Variants in GPC3 observed in about 807,000 individuals in gnomAD.
GPC3 encodes glypican 3.
A neutral mutation model predicts 34.4 loss-of-function variants in GPC3; 3 were observed. The observed-to-expected ratio is 0.09, with a 90% CI of 0.04 to 0.23. The LOEUF (loss-of-function observed/expected upper bound fraction) is 0.23. Ranked by LOEUF, GPC3 falls within the 10% of genes least tolerant of loss-of-function variation. The pLI, the probability that GPC3 is intolerant of heterozygous loss-of-function variation, is 1.00. For synonymous variants in GPC3, 177 were observed against 174.0 expected (o/e 1.02, Z -0.13); for missense variants, 351 against 445.6 (o/e 0.79, Z 1.91).
intron 2 of GPC3, among the ~76,000 whole-genome samples, chrX:133,786,596 G>A (rs2072104802): frequency 8.9e-6 from 1 of 111,832 alleles, no homozygotes; most frequent in Admixed American, 9.4e-5. Context: ...ACTGGAGCCT[G>A]ACATATGCAC....
At chrX:133,793,084 A>AG (rs1344229945) in intron 2 of GPC3, among the ~76,000 whole-genome samples, 2 of 111,773 alleles carry the variant, frequency 1.8e-5, no homozygotes, top group Non-Finnish European at 3.8e-5. Context: ...AAATAAAAAA[A>AG]AAAAGCCAAC....
intron 2 of GPC3, among the ~76,000 whole-genome samples, chrX:133,860,881 C>T (rs1205922832): frequency 9.0e-6 from 1 of 111,426 alleles, no homozygotes; most frequent in Non-Finnish European, 1.9e-5. Flanking sequence ...GCAGGTGGAT[C>T]GCCTGAGCTC....
intron 3 of GPC3, among the ~76,000 whole-genome samples, chrX:133,743,011 G>A (rs2071577323): frequency 8.9e-6 from 1 of 112,386 alleles, no homozygotes. Flanking sequence ...CAGCCTTGCT[G>A]GATTATGTAC....
intron 2 of GPC3, among the ~76,000 whole-genome samples, chrX:133,901,090 C>T (rs1462874193): frequency 3.6e-5 from 4 of 111,466 alleles, no homozygotes; most frequent in Admixed American, 1.9e-4. Context: ...CTGGTTAATA[C>T]GACAGCATGC....
At chrX:133,766,739 A>G (rs1450829532) in intron 2 of GPC3, among the ~76,000 whole-genome samples, 1 of 112,206 alleles carries the variant, frequency 8.9e-6, no homozygotes, top group Middle Eastern at 4.2e-3. Context: ...TATGTAGTAG[A>G]TGGTGGCAGC....
intron 3 of GPC3, among the ~76,000 whole-genome samples, chrX:133,720,505 G>A (rs1317066585): frequency 8.9e-6 from 1 of 111,856 alleles, no homozygotes; most frequent in Non-Finnish European, 1.9e-5. Context: ...GATGTGACTT[G>A]CTCCTCCTTT....
At chrX:133,971,354 G>A (rs185968446) in intron 1 of GPC3, among the ~76,000 whole-genome samples, 24 of 111,806 alleles carry the variant, frequency 2.1e-4, no homozygotes, top group Admixed American at 1.3e-3. Context: ...TCAAACTAAA[G>A]AATAGTATTT....
intron 7 of GPC3, among the ~76,000 whole-genome samples, chrX:133,552,773 G>A (rs2069447581): frequency 8.9e-6 from 1 of 111,803 alleles, no homozygotes; most frequent in Non-Finnish European, 1.9e-5. Context: ...AGAGGCATCA[G>A]GTGAAGAAAA....
chrX:133,792,707 T>C (rs1473204830), intron 2 of GPC3, among the ~76,000 whole-genome samples: 3 of 111,675 alleles, frequency 2.7e-5, no homozygotes, highest in Non-Finnish European at 5.6e-5. Flanking sequence ...GGTGTCAAAT[T>C]GGCATGTCAG....
intron 6 of GPC3, among the ~76,000 whole-genome samples, chrX:133,608,874 C>A (rs1005039588): frequency 1.2e-4 from 13 of 111,943 alleles, no homozygotes; most frequent in African/African-American, 3.6e-4. Context: ...ATAATTGAGA[C>A]TGGGACTTGA....
Position 133,570,232 on chromosome X carries a change from A to G in GPC3, c.1573+26208T>C, listed in dbSNP as rs748499079. ...TTTTTGTGTTTTGAAACAGAGTTTC[A>G]TTCTTGTTGCCCAGGCTGGAGTGCA... On this transcript the variant is annotated intron_variant, in intron 7 of 7. Transcript: ENST00000370818. 3.0e-5 allele frequency among the ~76,000 whole-genome samples: 3 copies of G among 100,603 alleles called. No homozygotes were observed. The East Asian group carries it at 9.7e-4, about 32-fold the overall frequency. 87.4% of individuals were successfully genotyped at this position (100,603 alleles called of 115,157 possible). A position where few individuals can be genotyped will look rare whatever the true frequency, so the allele number is the denominator to read the frequency against.
chrX:133,922,736 G>T (rs986551976), intron 2 of GPC3, among the ~76,000 whole-genome samples: 1 of 109,132 alleles, frequency 9.2e-6, no homozygotes, highest in African/African-American at 3.3e-5. Flanking sequence ...GCTTAGATAG[G>T]TTGTGCAACT....
chrX:133,731,393 T>C, intron 3 of GPC3, among the ~76,000 whole-genome samples: 1 of 113,006 alleles, frequency 8.8e-6, no homozygotes, highest in Non-Finnish European at 1.9e-5. Context: ...AAATTAGCCA[T>C]ATAGTACAAA....
At chrX:133,869,675 T>TGC (rs2075985021) in intron 2 of GPC3, among the ~76,000 whole-genome samples, 1 of 111,957 alleles carries the variant, frequency 8.9e-6, no homozygotes, top group African/African-American at 3.3e-5. Flanking sequence ...TGGCCGGGCA[T>TGC]GGTGGCTTAC....
chrX:133,673,548 G>A (rs2070854237), intron 5 of GPC3, among the ~76,000 whole-genome samples: 1 of 112,360 alleles, frequency 8.9e-6, no homozygotes, highest in African/African-American at 3.2e-5. Context: ...AAGAGATTAA[G>A]TTCGGTTTGG....
chrX:133,870,704 T>A (rs922678624), intron 2 of GPC3, among the ~76,000 whole-genome samples: 8 of 111,315 alleles, frequency 7.2e-5, no homozygotes, highest in African/African-American at 2.3e-4. Context: ...TACCACACTC[T>A]TCTCCACTCT....
At chrX:133,709,059 C>T (rs778822717) in intron 3 of GPC3, among the ~76,000 whole-genome samples, 6 of 111,817 alleles carry the variant, frequency 5.4e-5, no homozygotes, top group Non-Finnish European at 1.1e-4. Context: ...GTTTGTGGAT[C>T]TATTTCTGAA....
rs989030358 is a variant in GPC3, at chrX:133,687,635, C to T, written c.1292+4734G>A. On this transcript the variant is annotated intron_variant, in intron 5 of 7. Transcript: ENST00000370818. ...TAGAGATGGGGTTTCACTATATTGGCCAGGCTGGTCTCGAACTCCTGAACT... is the reference window on the plus strand; with the variant it reads ...TAGAGATGGGGTTTCACTATATTGGTCAGGCTGGTCTCGAACTCCTGAACT... Among the ~76,000 whole-genome samples the T allele has an allele frequency of 1.0e-4, 11 of 109,824 alleles. No homozygotes were observed. In the Admixed American group the frequency reaches 1.1e-3, roughly 11 times the overall value.
At chrX:133,666,184 G>C (rs1336905876) in intron 5 of GPC3, among the ~76,000 whole-genome samples, 1 of 111,589 alleles carries the variant, frequency 9.0e-6, no homozygotes, top group African/African-American at 3.3e-5. Flanking sequence ...TGCCCCTTTA[G>C]CTATGTATTT....
Sources: allele counts gnomAD v4.1 joint callset (sites outside exome capture counted in the v4.1 genomes callset), GRCh38; gene constraint gnomAD v4.1.1; transcripts MANE v1.5; gene names NCBI Gene and HGNC (gene_info 2026-07-23, HGNC 2026-07-21).